Variants in GRM1 observed in about 807,000 individuals in gnomAD.
GRM1 encodes glutamate metabotropic receptor 1, also known as metabotropic glutamate receptor 1.
A neutral mutation model predicts 90.9 loss-of-function variants in GRM1; 33 were observed. The ratio of observed to expected loss-of-function variants is 0.36; its 90% confidence interval spans 0.28 to 0.49. The LOEUF (loss-of-function observed/expected upper bound fraction) is 0.49, where lower values mean the gene tolerates loss of function less well. GRM1 is among the 20% of genes least tolerant of loss of function. GRM1 has a pLI of 0.99. For missense variants in GRM1, 1,190 were observed against 1,534.3 expected, an observed-to-expected ratio of 0.78 and a Z score of 3.75; for synonymous variants, 700 against 613.2, an observed-to-expected ratio of 1.14 and a Z score of -2.09.
chr6:146,037,771 C>A (rs760842969), intron 1 of GRM1, among the ~76,000 whole-genome samples: 6 of 151,970 alleles, frequency 3.9e-5, no homozygotes, highest in Admixed American at 3.9e-4. Flanking sequence ...TTACCCTGAC[C>A]ACAATCTGGT....
intron 1 of GRM1, among the ~76,000 whole-genome samples, chr6:146,135,842 G>A (rs1291338443): frequency 6.6e-6 from 1 of 151,996 alleles, no homozygotes; most frequent in Non-Finnish European, 1.5e-5. Context: ...ATTATTAACT[G>A]TAATCACCTT....
chr6:146,030,893 T>G (rs1396459958), intron 1 of GRM1, among the ~76,000 whole-genome samples: 1 of 152,200 alleles, frequency 6.6e-6, no homozygotes, highest in Non-Finnish European at 1.5e-5. Context: ...CCCCCAAGAA[T>G]TATCTTGTTT....
intron 2 of GRM1, among the ~76,000 whole-genome samples, chr6:146,296,636 T>C (rs762257844): frequency 5.9e-5 from 9 of 152,214 alleles, no homozygotes; most frequent in Non-Finnish European, 1.3e-4. Flanking sequence ...CTTTAAATTT[T>C]GACTTCCGAT....
intron 2 of GRM1, among the ~76,000 whole-genome samples, chr6:146,237,525 GT>G (rs1459721150): frequency 5.7e-4 from 69 of 121,548 alleles, no homozygotes; most frequent in African/African-American, 1.6e-3. Flanking sequence ...ATGAATAATT[GT>G]TTATTTATAA....
chr6:146,074,463 C>T (rs769104425), intron 1 of GRM1, among the ~76,000 whole-genome samples: 9 of 152,112 alleles, frequency 5.9e-5, no homozygotes, highest in African/African-American at 1.2e-4. Context: ...TTCAGAGTCA[C>T]GAATCTGTGC....
intron 2 of GRM1, among the ~76,000 whole-genome samples, chr6:146,216,469 C>G (rs1347178442): frequency 6.6e-6 from 1 of 152,126 alleles, no homozygotes; most frequent in Admixed American, 6.5e-5. Context: ...ATCATCTGAC[C>G]TACATTGTCA....
At chr6:146,208,135 A>G (rs1779557422) in intron 2 of GRM1, among the ~76,000 whole-genome samples, 1 of 152,120 alleles carries the variant, frequency 6.6e-6, no homozygotes, top group African/African-American at 2.4e-5. Context: ...TTGAGGGCTG[A>G]GTAAAATAGA....
At chr6:146,139,214 A>G (rs1438513866) in intron 1 of GRM1, among the ~76,000 whole-genome samples, 1 of 152,142 alleles carries the variant, frequency 6.6e-6, no homozygotes, top group Non-Finnish European at 1.5e-5. Context: ...GAATTATTTA[A>G]GATTTGTTTT....
At chr6:146,079,764 G>GT (rs879520566) in intron 1 of GRM1, among the ~76,000 whole-genome samples, 26 of 152,264 alleles carry the variant, frequency 1.7e-4, no homozygotes, top group Admixed American at 1.0e-3. Flanking sequence ...CTCATGAAAT[G>GT]TCAAAAATGA....
At chr6:146,418,840 C>T (rs1056756016) in intron 7 of GRM1, among the ~76,000 whole-genome samples, 14 of 151,994 alleles carry the variant, frequency 9.2e-5, no homozygotes, top group African/African-American at 3.4e-4. Flanking sequence ...TTTTTTATGG[C>T]TTAATTATAA....
chr6:146,401,867 A>T (rs900979136), intron 7 of GRM1, among the ~76,000 whole-genome samples: 1 of 152,202 alleles, frequency 6.6e-6, no homozygotes, highest in African/African-American at 2.4e-5. Context: ...AATGAAGAGT[A>T]TGTAGTGCCT....
intron 3 of GRM1, among the ~76,000 whole-genome samples, chr6:146,342,236 A>G (rs1206210022): frequency 1.3e-5 from 2 of 152,248 alleles, no homozygotes; most frequent in Non-Finnish European, 2.9e-5. Flanking sequence ...CAAAGCATCT[A>G]TATAAAGAGC....
chr6:146,236,362 C>G (rs973785630), intron 2 of GRM1, among the ~76,000 whole-genome samples: 2 of 152,104 alleles, frequency 1.3e-5, no homozygotes, highest in East Asian at 1.9e-4. Context: ...GAGAGTTGTT[C>G]TCAATGGTTT....
intron 1 of GRM1, among the ~76,000 whole-genome samples, chr6:146,139,099 G>T (rs956736657): frequency 1.3e-4 from 20 of 151,788 alleles, no homozygotes; most frequent in African/African-American, 4.8e-4. Flanking sequence ...TCATTCAGGA[G>T]CATACTGTTT....
chr6:146,101,834 TATATAATTACTATA>T (rs1777061640), intron 1 of GRM1, among the ~76,000 whole-genome samples: 1 of 148,724 alleles, frequency 6.7e-6, no homozygotes, highest in Non-Finnish European at 1.5e-5. Flanking sequence ...ATTACTGTAA[TATATAATTACTATA>T]ATATAATTAT....
intron 2 of GRM1, among the ~76,000 whole-genome samples, chr6:146,189,697 G>A (rs1191696717): frequency 1.3e-5 from 2 of 152,152 alleles, no homozygotes; most frequent in South Asian, 2.1e-4. Context: ...AAATCCAGGT[G>A]TTCTGATTTT....
intron 4 of GRM1, 38 bp downstream of exon 4, chr6:146,352,534 G>A (rs751893339): frequency 6.2e-7 from 1 of 1,606,014 alleles, no homozygotes; most frequent in South Asian, 1.1e-5. Context: ...AACCTTGTGA[G>A]CCTTCCTGTG....
At chr6:146,244,805 A>G (rs1422575144) in intron 2 of GRM1, among the ~76,000 whole-genome samples, 3 of 152,150 alleles carry the variant, frequency 2.0e-5, no homozygotes, top group Admixed American at 2.0e-4. Flanking sequence ...GCTCTCATTT[A>G]TTTACTCAGT....
chr6:146,310,772 A>G (rs1367375260), intron 3 of GRM1, among the ~76,000 whole-genome samples: 1 of 152,220 alleles, frequency 6.6e-6, no homozygotes, highest in African/African-American at 2.4e-5. Context: ...CAGAAACAGG[A>G]TGACCTCTCA....
Sources: gnomAD v4.1 joint callset for allele counts (sites outside exome capture counted in the v4.1 genomes callset) on GRCh38, gnomAD v4.1.1 for gene constraint, MANE v1.5 for transcripts, NCBI Gene and HGNC (gene_info 2026-07-23, HGNC 2026-07-21) for gene names.